Variants in DAB1 observed in about 807,000 individuals in gnomAD.
The protein encoded by DAB1 is disabled homolog 1.
Under a neutral mutation model 64.6 loss-of-function variants are expected in DAB1, and 15 were observed. The ratio of observed to expected loss-of-function variants is 0.23; its 90% CI spans 0.16 to 0.36. The LOEUF (loss-of-function observed/expected upper bound fraction) is 0.36. Ranked by LOEUF, DAB1 falls within the 10% of genes least tolerant of loss-of-function variation. The pLI is 1.00. For missense variants in DAB1, 596 were observed against 706.7 expected (o/e 0.84, Z 1.78); for synonymous variants, 235 against 251.9 (o/e 0.93, Z 0.64).
At chr1:57,808,803 G>A (rs141470328) in intron 6 of DAB1, among the ~76,000 whole-genome samples, 1 of 152,294 alleles carries the variant, frequency 6.6e-6, no homozygotes, top group Admixed American at 6.5e-5. Context: ...GGACAAAGAA[G>A]TCATAGAATC....
intron 3 of DAB1, among the ~76,000 whole-genome samples, chr1:58,446,966 T>A (rs758509106): frequency 7.2e-5 from 11 of 152,208 alleles, no homozygotes; most frequent in Non-Finnish European, 1.6e-4. Context: ...CATATCACCT[T>A]CCATTCATGA....
In DAB1 at chr1:57,958,166, C is replaced by T. The variant is rs144063883; in HGVS notation, n.388-74004G>A. Among the ~76,000 whole-genome samples, 909 of 152,066 alleles carry T rather than the reference C, an allele frequency of 6.0e-3. 4 individuals carry two copies. Among genetic ancestry groups the T allele is most frequent in the African/African-American group, 0.011 (439 of 41,500 alleles). On this transcript the variant is annotated intron_variant and non_coding_transcript_variant, in intron 5 of 20. Transcript: ENST00000485760. ...CGCTCTGCTAAATTTTTAGTAGAGA[C>T]GGGGTTTCACCATGTTGGTCAGGCT...
chr1:58,410,294 C>T (rs1644656129), intron 3 of DAB1, among the ~76,000 whole-genome samples: 1 of 152,160 alleles, frequency 6.6e-6, no homozygotes, highest in Non-Finnish European at 1.5e-5. Flanking sequence ...AAATCACTTC[C>T]AGCCTTCAGA....
At chr1:57,440,214 C>G (rs1570521539) in intron 7 of DAB1, among the ~76,000 whole-genome samples, 1 of 152,292 alleles carries the variant, frequency 6.6e-6, no homozygotes, top group Non-Finnish European at 1.5e-5. Context: ...TAATCTTGAT[C>G]CCTGCCATGT....
intron 5 of DAB1, among the ~76,000 whole-genome samples, chr1:58,026,116 T>C (rs546949718): frequency 6.6e-6 from 1 of 152,334 alleles, no homozygotes; most frequent in Admixed American, 6.5e-5. Flanking sequence ...TCAAGCTACA[T>C]GCTGCAAGTG....
chr1:57,482,477 T>TAAAAAAAAAAAAAAAA (rs918167439), intron 7 of DAB1, among the ~76,000 whole-genome samples: 32 of 61,174 alleles, frequency 5.2e-4, no homozygotes, highest in East Asian at 9.5e-4. Context: ...CTGAAAGTTG[T>TAAAAAAAAAAAAAAAA]AAAAAAAAAA....
At chr1:57,283,047 C>T (rs930195562) in intron 2 of DAB1, among the ~76,000 whole-genome samples, 3 of 152,194 alleles carry the variant, frequency 2.0e-5, no homozygotes, top group African/African-American at 7.2e-5. Context: ...ACTGCTAAGA[C>T]CTAGTGTATG....
intron 1 of DAB1, among the ~76,000 whole-genome samples, chr1:57,870,638 A>C (rs919857783): frequency 6.6e-6 from 1 of 152,156 alleles, no homozygotes; most frequent in African/African-American, 2.4e-5. Context: ...TAGTAAGAGC[A>C]AAATAACTGA....
chr1:58,505,439 C>T (rs1645972538), intron 3 of DAB1, among the ~76,000 whole-genome samples: 1 of 152,132 alleles, frequency 6.6e-6, no homozygotes, highest in Non-Finnish European at 1.5e-5. Flanking sequence ...TAAAAACATT[C>T]TGAATGATGT....
chr1:57,266,333 A>G (rs1365739534), intron 2 of DAB1, among the ~76,000 whole-genome samples: 1 of 152,188 alleles, frequency 6.6e-6, no homozygotes, highest in Non-Finnish European at 1.5e-5. Context: ...CTGCTCCCCT[A>G]TATGAACCCT....
In DAB1 at chr1:57,711,543, A is replaced by G. The variant is rs549382250; in HGVS notation, n.552-61878T>C. 4.6e-5 allele frequency among the ~76,000 whole-genome samples: 7 copies of G among 152,348 alleles called. No homozygotes were observed. In the East Asian group the frequency reaches 1.4e-3, roughly 29 times the overall value. ...TGCCTGTACTCACGGGTGCCTGTCA[A>G]GGCTTGCATGACAAGCATGTTAGCA... On this transcript the variant is annotated intron_variant and non_coding_transcript_variant, in intron 6 of 20. Coordinates refer to the DAB1 transcript ENST00000485760.
intron 6 of DAB1, among the ~76,000 whole-genome samples, chr1:57,715,055 C>T (rs955453210): frequency 1.3e-5 from 2 of 152,106 alleles, no homozygotes; most frequent in Non-Finnish European, 2.9e-5. Context: ...CCAAATTAAA[C>T]AATACATTAA....
At chr1:58,196,438 A>G (rs1368618261) in intron 4 of DAB1, among the ~76,000 whole-genome samples, 2 of 152,226 alleles carry the variant, frequency 1.3e-5, no homozygotes, top group Non-Finnish European at 2.9e-5. Context: ...TACACTTCAT[A>G]TACTTCTGGT....
chr1:57,563,964 A>G (rs1327141052), intron 7 of DAB1, among the ~76,000 whole-genome samples: 1 of 152,168 alleles, frequency 6.6e-6, no homozygotes, highest in African/African-American at 2.4e-5. Context: ...AAGGAGTTTG[A>G]GATCTGAGAA....
chr1:58,137,534 C>T (rs1182145147), intron 5 of DAB1, among the ~76,000 whole-genome samples: 2 of 152,150 alleles, frequency 1.3e-5, no homozygotes, highest in Non-Finnish European at 1.5e-5. Context: ...CACCCCCATC[C>T]ATCCATCGGT....
intron 1 of DAB1, among the ~76,000 whole-genome samples, chr1:57,324,131 CA>C (rs1466737424): frequency 6.6e-6 from 1 of 152,168 alleles, no homozygotes; most frequent in Non-Finnish European, 1.5e-5. Flanking sequence ...CATTTTTATG[CA>C]GATTAAAACG....
At chr1:58,524,836 A>C (rs1001959187) in intron 2 of DAB1, among the ~76,000 whole-genome samples, 3 of 152,222 alleles carry the variant, frequency 2.0e-5, no homozygotes, top group African/African-American at 7.2e-5. Context: ...ACAATGAAAA[A>C]TATGCAAGAA....
chr1:57,087,479 G>C (rs1156311113), intron 4 of DAB1, among the ~76,000 whole-genome samples: 1 of 152,224 alleles, frequency 6.6e-6, no homozygotes, highest in Non-Finnish European at 1.5e-5. Context: ...AGGGCAGAAG[G>C]AGGCAGCTCC....
At chr1:58,329,003 AT>A (rs1166019415) in intron 4 of DAB1, among the ~76,000 whole-genome samples, 3 of 152,210 alleles carry the variant, frequency 2.0e-5, no homozygotes, top group African/African-American at 7.2e-5. Context: ...ATTGAATTTA[AT>A]AAGTAGTGTT....
Sources: gnomAD v4.1 joint callset for allele counts (sites outside exome capture counted in the v4.1 genomes callset) on GRCh38, gnomAD v4.1.1 for gene constraint, MANE v1.5 for transcripts, NCBI Gene and HGNC (gene_info 2026-07-23, HGNC 2026-07-21) for gene names.